Variants in SHISA6 observed in about 807,000 individuals in gnomAD.
The protein encoded by SHISA6 is protein shisa-6.
In SHISA6, 22 loss-of-function variants were observed where a neutral mutation model predicts 47.9. The observed-to-expected ratio is 0.46, with a 90% CI of 0.33 to 0.66. SHISA6 has a LOEUF of 0.66. Among genes scored for constraint, SHISA6 ranks in the 30% least tolerant of loss-of-function variants. The pLI is 0.02. For synonymous variants in SHISA6, 388 were observed against 337.8 expected (o/e 1.15, Z -1.63); for missense variants, 680 against 764.6 (o/e 0.89, Z 1.30).
chr17:11,506,801 TC>T (rs2071502391), intron 3 of SHISA6, among the ~76,000 whole-genome samples: 1 of 152,176 alleles, frequency 6.6e-6, no homozygotes, highest in South Asian at 2.1e-4. Flanking sequence ...CACTCACACT[TC>T]AAGTTTTACA....
intron 3 of SHISA6, among the ~76,000 whole-genome samples, chr17:11,508,570 C>T (rs1474889170): frequency 7.5e-6 from 1 of 133,244 alleles, no homozygotes; most frequent in East Asian, 2.6e-4. Flanking sequence ...CCTCCCCTCC[C>T]CTTCCTTTCC....
chr17:11,257,116 CTCTG>C (rs1179191632), intron 1 of SHISA6, among the ~76,000 whole-genome samples: 5 of 152,206 alleles, frequency 3.3e-5, no homozygotes, highest in African/African-American at 1.2e-4. Context: ...TTCTGAGCCT[CTCTG>C]TATGAGGAGA....
intron 2 of SHISA6, among the ~76,000 whole-genome samples, chr17:11,336,499 C>T (rs985529744): frequency 2.0e-5 from 3 of 152,118 alleles, no homozygotes; most frequent in Non-Finnish European, 4.4e-5. Context: ...TCATGGGGCA[C>T]CTCCTGCTGC....
At chr17:11,295,711 C>T (rs2142173031) in intron 2 of SHISA6, among the ~76,000 whole-genome samples, 1 of 152,172 alleles carries the variant, frequency 6.6e-6, no homozygotes, top group South Asian at 2.1e-4. Context: ...TGCCTGTAAT[C>T]CCAGCACTTT....
chr17:11,412,122 A>G (rs1168509287), intron 3 of SHISA6, among the ~76,000 whole-genome samples: 1 of 152,168 alleles, frequency 6.6e-6, no homozygotes, highest in Non-Finnish European at 1.5e-5. Context: ...GATCTTGTGA[A>G]CTGGGTTTAA....
At chr17:11,430,988 T>G (rs1484274130) in intron 3 of SHISA6, among the ~76,000 whole-genome samples, 1 of 152,182 alleles carries the variant, frequency 6.6e-6, no homozygotes, top group Non-Finnish European at 1.5e-5. Context: ...ATTTGCTAAG[T>G]TAGTCTCCCC....
At chr17:11,539,234 A>T (rs990675414) in intron 3 of SHISA6, among the ~76,000 whole-genome samples, 6 of 152,026 alleles carry the variant, frequency 3.9e-5, no homozygotes, top group Admixed American at 6.5e-5. Flanking sequence ...GAGCCACCAC[A>T]CCCGGCCCAC....
At chr17:11,481,366 G>GTGTGTA (rs1471058482) in intron 3 of SHISA6, among the ~76,000 whole-genome samples, 6 of 110,282 alleles carry the variant, frequency 5.4e-5, no homozygotes, top group African/African-American at 2.0e-4. Context: ...GTGTGTGTGT[G>GTGTGTA]TATATATATA....
rs142993765 is a variant in SHISA6, at chr17:11,451,914, A to G, written c.895+72405A>G. Reference sequence around the variant, plus strand: ...CCTTAGATGTGGCAGGTTGAACTCAAGATTGCAGAAGAAATCCTTAGATGT... The same window carrying G: ...CCTTAGATGTGGCAGGTTGAACTCAGGATTGCAGAAGAAATCCTTAGATGT... On this transcript the variant is annotated intron_variant, in intron 3 of 5. Transcript: ENST00000441885. 5.3e-5 allele frequency among the ~76,000 whole-genome samples: 8 copies of G among 152,366 alleles called. 1 individual carries two copies. In the East Asian group the frequency reaches 1.5e-3, roughly 29 times the overall value.
intron 2 of SHISA6, among the ~76,000 whole-genome samples, chr17:11,278,348 C>A (rs1256964379): frequency 6.6e-6 from 1 of 152,222 alleles, no homozygotes; most frequent in African/African-American, 2.4e-5. Context: ...TGTGTCCCAA[C>A]TGAGCCTCCT....
intron 3 of SHISA6, among the ~76,000 whole-genome samples, chr17:11,493,521 C>T (rs982124857): frequency 2.0e-5 from 3 of 152,188 alleles, no homozygotes; most frequent in Non-Finnish European, 4.4e-5. Context: ...GCCACTGTGC[C>T]AGGCCAATAA....
intron 2 of SHISA6, among the ~76,000 whole-genome samples, chr17:11,319,738 A>G (rs1164546973): frequency 1.3e-5 from 2 of 152,232 alleles, no homozygotes; most frequent in Non-Finnish European, 2.9e-5. Context: ...TTCAAAATGT[A>G]TTCAATTCCT....
At chr17:11,356,682 T>C (rs1912088912) in intron 2 of SHISA6, among the ~76,000 whole-genome samples, 1 of 152,040 alleles carries the variant, frequency 6.6e-6, no homozygotes, top group Admixed American at 6.6e-5. Context: ...CTCCTGTCAT[T>C]CAGCTGTGTG....
At chr17:11,285,679 G>T (rs1464006180) in intron 2 of SHISA6, among the ~76,000 whole-genome samples, 1 of 152,118 alleles carries the variant, frequency 6.6e-6, no homozygotes, top group Non-Finnish European at 1.5e-5. Context: ...ATGCTGCAGA[G>T]GTCTGTGTTT....
In SHISA6 at chr17:11,284,691, C is replaced by T. The variant is rs1466305555; in HGVS notation, c.799+21165C>T. Among the ~76,000 whole-genome samples, 5 of 152,158 alleles carry T rather than the reference C, an allele frequency of 3.3e-5. No individual in the cohort carries two copies. The South Asian group carries it at 6.2e-4, about 19-fold the overall frequency. On this transcript the variant is annotated intron_variant, in intron 2 of 5. Transcript: ENST00000441885. ...CAAAGTTCTCTATAATAAAATAATT[C>T]AGATGTCCCTTGGAATTCATCCTGT...
chr17:11,384,019 T>C (rs1913116491), intron 3 of SHISA6, among the ~76,000 whole-genome samples: 1 of 152,196 alleles, frequency 6.6e-6, no homozygotes, highest in Non-Finnish European at 1.5e-5. Flanking sequence ...CATACATACA[T>C]ACATACATAA....
chr17:11,397,568 T>C (rs1913616674), intron 3 of SHISA6, among the ~76,000 whole-genome samples: 1 of 152,182 alleles, frequency 6.6e-6, no homozygotes. Flanking sequence ...AACTGTTGTT[T>C]TACGTACTTG....
At chr17:11,484,682 A>C (rs912216852) in intron 3 of SHISA6, among the ~76,000 whole-genome samples, 1 of 152,224 alleles carries the variant, frequency 6.6e-6, no homozygotes, top group Non-Finnish European at 1.5e-5. Flanking sequence ...TACAGGTGTG[A>C]GCCATCACAC....
chr17:11,463,891 T>C (rs1407544289), intron 3 of SHISA6, among the ~76,000 whole-genome samples: 1 of 152,156 alleles, frequency 6.6e-6, no homozygotes, highest in African/African-American at 2.4e-5. Flanking sequence ...AAAGAAGTGT[T>C]GAATTTTAGA....
Sources: allele counts gnomAD v4.1 joint callset (sites outside exome capture counted in the v4.1 genomes callset), GRCh38; gene constraint gnomAD v4.1.1; transcripts MANE v1.5; gene names NCBI Gene and HGNC (gene_info 2026-07-23, HGNC 2026-07-21).